SCPPPQ1: variants seen among roughly 807,000 people sequenced by gnomAD.
The protein encoded by SCPPPQ1 is secretory calcium-binding phosphoprotein proline- and glutamine-rich 1.
chr4:87,463,441 T>C, the SCPPPQ1 span, among the ~76,000 whole-genome samples: 1 of 152,098 alleles, frequency 6.6e-6, no homozygotes, highest in African/African-American at 2.4e-5. Context: ...TAGCAATGAG[T>C]AACTGTGAAG....
At chr4:87,464,554 G>T in the SCPPPQ1 span, among the ~76,000 whole-genome samples, 2 of 152,086 alleles carry the variant, frequency 1.3e-5, no homozygotes, top group Non-Finnish European at 2.9e-5. Context: ...ATCGTAATAG[G>T]AGTGCTGGGC....
chr4:87,470,389 C>G, the SCPPPQ1 span, among the ~76,000 whole-genome samples: 1 of 152,096 alleles, frequency 6.6e-6, no homozygotes, highest in Admixed American at 6.6e-5. Flanking sequence ...AAGCTTGTAC[C>G]TCTGTGAGAC....
At chr4:87,465,559 C>CCAAAA in the SCPPPQ1 span, among the ~76,000 whole-genome samples, 4 of 98,308 alleles carry the variant, frequency 4.1e-5, no homozygotes, top group African/African-American at 1.8e-4. Context: ...TAGAAATCTA[C>CCAAAA]AAAAAAAAAA....
chr4:87,462,260 AAAGGTACTAAAT>A, the SCPPPQ1 span: 1 of 152,188 alleles, frequency 6.6e-6, no homozygotes, highest in Non-Finnish European at 1.5e-5. Context: ...TGAAATGGTA[AAAGGTACTAAAT>A]AAGCACTTCA....
chr4:87,467,394 A>T, the SCPPPQ1 span, among the ~76,000 whole-genome samples: 1 of 152,194 alleles, frequency 6.6e-6, no homozygotes, highest in African/African-American at 2.4e-5. Flanking sequence ...CAGAAAAGCA[A>T]AATAACTATT....
At chr4:87,470,124 TA>T in the SCPPPQ1 span, among the ~76,000 whole-genome samples, 3 of 151,958 alleles carry the variant, frequency 2.0e-5, no homozygotes, top group Non-Finnish European at 4.4e-5. Flanking sequence ...TGGCTAATTT[TA>T]AAAAAATTTT....
At chr4:87,470,156 A>G in the SCPPPQ1 span, among the ~76,000 whole-genome samples, 1 of 151,542 alleles carries the variant, frequency 6.6e-6, no homozygotes, top group Non-Finnish European at 1.5e-5. Context: ...GGGTCTTGCT[A>G]TGTTGCCCCC....
chr4:87,470,191 T>A, the SCPPPQ1 span, among the ~76,000 whole-genome samples: 1 of 152,124 alleles, frequency 6.6e-6, no homozygotes, highest in South Asian at 2.1e-4. Context: ...GTCTTGAACT[T>A]CTGGCCTCAA....
chr4:87,461,749 T>C, the SCPPPQ1 span, among the ~76,000 whole-genome samples: 1 of 152,214 alleles, frequency 6.6e-6, no homozygotes, highest in Admixed American at 6.5e-5. Context: ...TTAGGACTTC[T>C]GGTGGTGGTT....
chr4:87,462,940 A>G, the SCPPPQ1 span, among the ~76,000 whole-genome samples: 1 of 149,044 alleles, frequency 6.7e-6, no homozygotes, highest in Non-Finnish European at 1.5e-5. Context: ...CAGAGGTTGC[A>G]GTGAGCCGAG....
the SCPPPQ1 span, among the ~76,000 whole-genome samples, chr4:87,462,871 G>A: frequency 6.6e-6 from 1 of 151,874 alleles, no homozygotes; most frequent in Non-Finnish European, 1.5e-5. Flanking sequence ...GGTGGCACAT[G>A]CTTGTAATAC....
the SCPPPQ1 span, among the ~76,000 whole-genome samples, chr4:87,463,950 G>A: frequency 6.6e-6 from 1 of 152,166 alleles, no homozygotes; most frequent in Non-Finnish European, 1.5e-5. Flanking sequence ...CGTCTAAAAG[G>A]TGAATCTCTT....
the SCPPPQ1 span, among the ~76,000 whole-genome samples, chr4:87,465,559 C>CCAAAAAA: frequency 1.0e-5 from 1 of 98,310 alleles, no homozygotes; most frequent in African/African-American, 4.4e-5. Context: ...TAGAAATCTA[C>CCAAAAAA]AAAAAAAAAA....
the SCPPPQ1 span, among the ~76,000 whole-genome samples, chr4:87,467,713 C>T: frequency 1.0e-2 from 1,518 of 152,208 alleles, 23 homozygotes; most frequent in African/African-American, 0.035. Flanking sequence ...CTGCCTAAAG[C>T]CTCATATTTC....
chr4:87,468,783 A>G, the SCPPPQ1 span, among the ~76,000 whole-genome samples: 2 of 152,252 alleles, frequency 1.3e-5, no homozygotes, highest in Admixed American at 1.3e-4. Flanking sequence ...TTAATGAAAT[A>G]TGTATACTGC....
the SCPPPQ1 span, among the ~76,000 whole-genome samples, chr4:87,467,530 A>G: frequency 6.6e-6 from 1 of 152,258 alleles, no homozygotes; most frequent in Non-Finnish European, 1.5e-5. Context: ...TTCTCTTCAT[A>G]AAGAGTAAGC....
At chr4:87,468,944 C>T in the SCPPPQ1 span, among the ~76,000 whole-genome samples, 1 of 152,146 alleles carries the variant, frequency 6.6e-6, no homozygotes, top group Non-Finnish European at 1.5e-5. Flanking sequence ...AGCTTTTTAT[C>T]CAAATCTGGT....
chr4:87,466,475 C>A, the SCPPPQ1 span, among the ~76,000 whole-genome samples: 2 of 151,968 alleles, frequency 1.3e-5, no homozygotes, highest in East Asian at 3.8e-4. Context: ...ATTATAAGTG[C>A]AAGAATAATA....
chr4:87,466,153 C>A, the SCPPPQ1 span, among the ~76,000 whole-genome samples: 1 of 151,972 alleles, frequency 6.6e-6, no homozygotes, highest in Non-Finnish European at 1.5e-5. Context: ...TTTGGGAGGC[C>A]GAGGCAGGCA....
Sources: allele counts gnomAD v4.1 joint callset (sites outside exome capture counted in the v4.1 genomes callset), GRCh38; gene constraint gnomAD v4.1.1; transcripts MANE v1.5; gene names NCBI Gene and HGNC (gene_info 2026-07-23, HGNC 2026-07-21).